The following ARHGAP6 variants were observed in gnomAD, a reference collection of about 807,000 sequenced individuals.
The protein encoded by ARHGAP6 is rho GTPase-activating protein 6.
A neutral mutation model predicts 55.7 loss-of-function variants in ARHGAP6; 16 were observed. The observed-to-expected ratio is 0.29, with a 90% CI of 0.19 to 0.44. The LOEUF is 0.44. Ranked by LOEUF, ARHGAP6 falls within the 20% of genes least tolerant of loss-of-function variation. The pLI is 1.00. For synonymous variants in ARHGAP6, 382 were observed against 360.9 expected (o/e 1.06, Z -0.66); for missense variants, 698 against 808.9 (o/e 0.86, Z 1.66).
At chrX:11,172,185 G>A (rs2046101920) in intron 8 of ARHGAP6, among the ~76,000 whole-genome samples, 1 of 111,301 alleles carries the variant, frequency 9.0e-6, no homozygotes, top group African/African-American at 3.3e-5. Context: ...CTTGGTACAC[G>A]AGTTGTATTA....
chrX:11,570,832 T>C (rs1234239716), intron 1 of ARHGAP6, among the ~76,000 whole-genome samples: 1 of 112,095 alleles, frequency 8.9e-6, no homozygotes, highest in South Asian at 3.8e-4. Context: ...AAATTTATGA[T>C]GAAAGTTAAT....
At chrX:11,266,913 T>TCTGCTG (rs59995388) in intron 1 of ARHGAP6, among the ~76,000 whole-genome samples, 26 of 110,808 alleles carry the variant, frequency 2.3e-4, no homozygotes, top group Admixed American at 1.4e-3. Flanking sequence ...ACACATAGCC[T>TCTGCTG]CTGCTGCTGC....
At chrX:11,294,636 T>C (rs1444548775) in intron 1 of ARHGAP6, 11 of 651,792 alleles carry the variant, frequency 1.7e-5, no homozygotes, top group Admixed American at 2.4e-5. Context: ...AAATCACATA[T>C]GACTGAAGTA....
At chrX:11,373,652 A>C (rs1372869516) in intron 1 of ARHGAP6, among the ~76,000 whole-genome samples, 1 of 112,116 alleles carries the variant, frequency 8.9e-6, no homozygotes, top group African/African-American at 3.2e-5. Context: ...TCACATCTCA[A>C]ATTCAACCAG....
At chrX:11,307,223 C>T (rs111545615) in intron 1 of ARHGAP6, among the ~76,000 whole-genome samples, 56 of 111,180 alleles carry the variant, frequency 5.0e-4, no homozygotes, top group Middle Eastern at 4.6e-3. Flanking sequence ...ACACACTCAA[C>T]GCATACAGAA....
At chrX:11,149,857 T>A (rs999492981) in intron 10 of ARHGAP6, among the ~76,000 whole-genome samples, 2 of 112,003 alleles carry the variant, frequency 1.8e-5, no homozygotes, top group Non-Finnish European at 3.8e-5. Flanking sequence ...TATTTTTCAG[T>A]ACTGAAATTT....
intron 1 of ARHGAP6, among the ~76,000 whole-genome samples, chrX:11,271,267 A>G (rs1272797037): frequency 1.8e-5 from 2 of 112,150 alleles, no homozygotes; most frequent in African/African-American, 6.5e-5. Flanking sequence ...GAAGAACCCA[A>G]TCCCAAGTCA....
At chrX:11,192,696 A>G (rs1402286126) in intron 3 of ARHGAP6, among the ~76,000 whole-genome samples, 2 of 111,840 alleles carry the variant, frequency 1.8e-5, no homozygotes, top group Non-Finnish European at 1.9e-5. Flanking sequence ...ATATGCTTTC[A>G]CCAAAAAGAA....
chrX:11,159,058 G>A (rs2045904457), intron 9 of ARHGAP6, among the ~76,000 whole-genome samples: 1 of 111,842 alleles, frequency 8.9e-6, no homozygotes, highest in South Asian at 3.8e-4. Flanking sequence ...AGGAGTTGGA[G>A]AAAATCATTC....
At chrX:11,559,180 G>A (rs1461652056) in intron 1 of ARHGAP6, among the ~76,000 whole-genome samples, 1 of 109,438 alleles carries the variant, frequency 9.1e-6, no homozygotes, top group Non-Finnish European at 1.9e-5. Flanking sequence ...GAAGGGAGAA[G>A]CAATGCCACT....
In ARHGAP6 at chrX:11,557,899, T is replaced by C. The variant is rs143422074; in HGVS notation, c.588+106342A>G. Among the ~76,000 whole-genome samples, 442 of 112,092 alleles carry C rather than the reference T, an allele frequency of 3.9e-3. 3 individuals are homozygous for C. Among genetic ancestry groups the C allele is most frequent in the Non-Finnish European group, 3.3e-3 (176 of 53,225 alleles). ...TGCAGGCTAATGTGGCCTCCAATTATATATATGTATGAGAAGTAACTCAGC... is the reference window on the plus strand; with the variant it reads ...TGCAGGCTAATGTGGCCTCCAATTACATATATGTATGAGAAGTAACTCAGC... On this transcript the variant is annotated intron_variant, in intron 1 of 12. Coordinates refer to ENST00000337414, the MANE Select transcript of ARHGAP6 (RefSeq NM_013427.3).
intron 1 of ARHGAP6, among the ~76,000 whole-genome samples, chrX:11,480,365 T>C (rs1315253156): frequency 5.4e-5 from 6 of 111,629 alleles, no homozygotes; most frequent in Non-Finnish European, 1.1e-4. Flanking sequence ...TATAATTCCA[T>C]TTATATGAAA....
At chrX:11,489,360 A>T (rs1297753315) in intron 1 of ARHGAP6, among the ~76,000 whole-genome samples, 1 of 111,958 alleles carries the variant, frequency 8.9e-6, no homozygotes, top group Non-Finnish European at 1.9e-5. Context: ...AAAAGAAGGT[A>T]AGGAAAGAAC....
chrX:11,185,164 G>GTGTGTGTGTA (rs2046370459), intron 5 of ARHGAP6, among the ~76,000 whole-genome samples: 1 of 110,613 alleles, frequency 9.0e-6, no homozygotes, highest in Non-Finnish European at 1.9e-5. Flanking sequence ...GTGTGTGTGT[G>GTGTGTGTGTA]TGTGTGTGTG....
intron 1 of ARHGAP6, among the ~76,000 whole-genome samples, chrX:11,411,943 A>T (rs990082676): frequency 9.0e-6 from 1 of 111,340 alleles, no homozygotes; most frequent in African/African-American, 3.3e-5. Context: ...GCTCACTGAC[A>T]GTCACTCTCC....
chrX:11,244,673 A>T (rs1258966348), intron 2 of ARHGAP6, among the ~76,000 whole-genome samples: 1 of 112,310 alleles, frequency 8.9e-6, no homozygotes, highest in Non-Finnish European at 1.9e-5. Context: ...CATAATTATC[A>T]AGTTTATTTT....
At chrX:11,383,590 CCCCATAT>C (rs1470847053) in intron 1 of ARHGAP6, among the ~76,000 whole-genome samples, 3 of 111,152 alleles carry the variant, frequency 2.7e-5, no homozygotes, top group Admixed American at 9.6e-5. Flanking sequence ...TCAATTTCTG[CCCCATAT>C]CCTAAATCTA....
At chrX:11,658,221 C>T (rs1199819508) in intron 1 of ARHGAP6, among the ~76,000 whole-genome samples, 1 of 111,547 alleles carries the variant, frequency 9.0e-6, no homozygotes. Flanking sequence ...TGAGTCTAAA[C>T]TTTGCTCTTC....
At chrX:11,582,127 T>C (rs769928129) in intron 1 of ARHGAP6, among the ~76,000 whole-genome samples, 61 of 111,210 alleles carry the variant, frequency 5.5e-4, no homozygotes, top group Non-Finnish European at 1.0e-3. Context: ...TAATTATTAT[T>C]ATTATCACAT....
Sources: allele counts gnomAD v4.1 joint callset (sites outside exome capture counted in the v4.1 genomes callset), GRCh38; gene constraint gnomAD v4.1.1; transcripts MANE v1.5; gene names NCBI Gene and HGNC (gene_info 2026-07-23, HGNC 2026-07-21).